The following FBXW11 variants were observed in gnomAD, a reference collection of about 807,000 sequenced individuals.
FBXW11 encodes F-box and WD repeat domain containing 11.
A neutral mutation model predicts 77.6 loss-of-function variants in FBXW11; 19 were observed. The observed-to-expected ratio is 0.24, with a 90% CI of 0.17 to 0.36. The LOEUF (loss-of-function observed/expected upper bound fraction) is 0.36, where lower values mean the gene tolerates loss of function less well. FBXW11 is among the 10% of genes least tolerant of loss of function. The probability of loss-of-function intolerance (pLI) is 1.00; values close to 1 mark genes in which losing one functional copy is unlikely to be tolerated. For synonymous variants in FBXW11, 235 were observed against 249.4 expected (o/e 0.94, Z 0.54); for missense variants, 334 against 704.2 (o/e 0.47, Z 5.95).
intron 1 of FBXW11, among the ~76,000 whole-genome samples, chr5:171,996,248 C>A (rs931936701): frequency 1.9e-4 from 29 of 152,200 alleles, no homozygotes; most frequent in African/African-American, 7.0e-4. Flanking sequence ...TTATATAAAT[C>A]ATGTGAGAAT....
chr5:171,894,632 C>T (rs1581163655), intron 6 of FBXW11, among the ~76,000 whole-genome samples: 1 of 151,572 alleles, frequency 6.6e-6, no homozygotes, highest in East Asian at 1.9e-4. Context: ...GCCTAAAAAA[C>T]TGCCCCCATG....
intron 2 of FBXW11, among the ~76,000 whole-genome samples, chr5:171,920,124 C>A (rs1242785466): frequency 6.6e-6 from 1 of 152,080 alleles, no homozygotes; most frequent in Non-Finnish European, 1.5e-5. Context: ...GATCGCACCA[C>A]TGCACTCCAG....
At chr5:172,002,282 T>C (rs941356198) in intron 1 of FBXW11, among the ~76,000 whole-genome samples, 4 of 152,188 alleles carry the variant, frequency 2.6e-5, no homozygotes, top group Admixed American at 6.5e-5. Context: ...CCAAGACTTG[T>C]GTGCAGGAAC....
At chr5:171,992,256 C>G (rs946603425) in intron 1 of FBXW11, among the ~76,000 whole-genome samples, 1 of 151,484 alleles carries the variant, frequency 6.6e-6, no homozygotes, top group Non-Finnish European at 1.5e-5. Flanking sequence ...AGTGAAACCC[C>G]GTCTCTACTA....
rs1161644281 is a variant in FBXW11 at position 171,913,818 on chromosome 5, TACACACACACACACACACACACAC to T, written c.210+501_210+524del. Among the ~76,000 whole-genome samples, 97 of 65,384 alleles carry T rather than the reference TACACACACACACACACACACACAC, an allele frequency of 1.5e-3. 1 individual carries two copies. The East Asian group carries it at 0.029, about 20-fold the overall frequency. 42.9% of individuals were successfully genotyped at this position (65,384 alleles called of 152,430 possible). A position where few individuals can be genotyped will look rare whatever the true frequency, so the allele number is the denominator to read the frequency against. Reference sequence around the variant, plus strand: ...CCCCAAACCCCCAACCACACACACATACACACACACACACACACACACACACACACACACACACACACACACACA... The same window carrying T: ...CCCCAAACCCCCAACCACACACACATACACACACACACACACACACACACA... On this transcript the variant is annotated intron_variant, in intron 3 of 13. Coordinates refer to ENST00000517395, the MANE Select transcript of FBXW11 (RefSeq NM_001378974.1).
chr5:171,917,800 A>T (rs1399288458), intron 2 of FBXW11, among the ~76,000 whole-genome samples: 7 of 83,498 alleles, frequency 8.4e-5, no homozygotes, highest in Admixed American at 8.1e-4. Flanking sequence ...GTGTGTGTGT[A>T]AATATATATA....
intron 1 of FBXW11, among the ~76,000 whole-genome samples, chr5:171,970,346 TGTAAGACATGC>T (rs1764455104): frequency 6.6e-6 from 1 of 152,204 alleles, no homozygotes; most frequent in African/African-American, 2.4e-5. Context: ...CCTGCCACCA[TGTAAGACATGC>T]CTGCTTCCCC....
chr5:171,914,696 G>A (rs781571725), intron 2 of FBXW11, among the ~76,000 whole-genome samples: 4 of 152,148 alleles, frequency 2.6e-5, no homozygotes, highest in Admixed American at 6.5e-5. Context: ...CTCAACCTCC[G>A]TCATCACTGT....
At chr5:171,940,665 G>A (rs1319700990) in intron 2 of FBXW11, among the ~76,000 whole-genome samples, 3 of 152,148 alleles carry the variant, frequency 2.0e-5, no homozygotes, top group East Asian at 1.9e-4. Context: ...CAAGGCAGGC[G>A]AATCAAGAGG....
At position 171,910,797 on chromosome 5, in the gene FBXW11, T is replaced by C. The variant is rs1433616249; in HGVS notation, c.211A>G (p.Ile71Val). Residue 71 changes from isoleucine to valine, a missense_variant and splice_region_variant, in exon 4 of 14, where the codon ATA becomes GTA. By Grantham distance (29) the Ile-to-Val change is conservative (BLOSUM62 3). Coordinates refer to ENST00000517395, the MANE Select transcript of FBXW11 (RefSeq NM_001378974.1). The part of the protein sequence containing the change: ...ESPKKNTLWQ[I>V]SNGTSSVIVS... ...ATCACAGATGATGTTCCATTACTTATCTATTTTAGAAAAACAAAAAAAAAA... is the reference window on the plus strand; with the variant it reads ...ATCACAGATGATGTTCCATTACTTACCTATTTTAGAAAAACAAAAAAAAAA... The C allele has an allele frequency of 2.6e-6, 4 of 1,548,360 alleles. No homozygotes were observed. The highest frequency in any genetic ancestry group is 1.4e-5 in the African/African-American group (1 of 71,414).
chr5:172,006,578 C>G lies in FBXW11; in HGVS notation c.-76G>C, dbSNP rs765866162. On this transcript the variant is annotated 5_prime_UTR_variant, in exon 1 of 14. Transcript: ENST00000517395. Reference sequence around the variant, plus strand: ...CGGGCGGAGGAGGCGACGGCGGAGGCGGCAGAGGCGGAGGCGGCTATCGCA... The same window carrying G: ...CGGGCGGAGGAGGCGACGGCGGAGGGGGCAGAGGCGGAGGCGGCTATCGCA... The G allele has an allele frequency of 1.3e-4, 181 of 1,418,888 alleles. No individual in the cohort carries two copies. Among genetic ancestry groups the G allele is most frequent in the Non-Finnish European group, 1.6e-4 (173 of 1,084,102 alleles). The allele number at this position is 1,418,888 out of a possible 1,614,324, so 87.9% of individuals were successfully genotyped here. A position where few individuals can be genotyped will look rare whatever the true frequency, so the allele number is the denominator to read the frequency against.
At chr5:171,867,892 T>G (rs1757512854) in intron 13 of FBXW11, 1 of 152,234 alleles carries the variant, frequency 6.6e-6, no homozygotes, top group Non-Finnish European at 1.5e-5. Flanking sequence ...TAGAATTCAC[T>G]GGCCCTCAGC....
At chr5:171,986,878 G>A (rs1018835391) in intron 1 of FBXW11, among the ~76,000 whole-genome samples, 3 of 152,174 alleles carry the variant, frequency 2.0e-5, no homozygotes, top group Non-Finnish European at 4.4e-5. Flanking sequence ...GACCTATTAA[G>A]AACTGGGCCT....
At chr5:171,909,275 C>T (rs1223754423) in intron 4 of FBXW11, among the ~76,000 whole-genome samples, 2 of 152,050 alleles carry the variant, frequency 1.3e-5, no homozygotes, top group Admixed American at 6.5e-5. Flanking sequence ...CAGCAAGATG[C>T]CACCTCGTTG....
At chr5:171,928,797 G>T (rs1226734873) in intron 2 of FBXW11, among the ~76,000 whole-genome samples, 3 of 152,346 alleles carry the variant, frequency 2.0e-5, no homozygotes, top group Middle Eastern at 3.4e-3. Flanking sequence ...TTTGAGCCGG[G>T]CACAGTGGCT....
At chr5:172,005,588 C>T (rs989787938) in intron 1 of FBXW11, among the ~76,000 whole-genome samples, 1 of 152,124 alleles carries the variant, frequency 6.6e-6, no homozygotes, top group African/African-American at 2.4e-5. Context: ...GGGAGTCTGG[C>T]CTGGCTGCCA....
intron 1 of FBXW11, among the ~76,000 whole-genome samples, chr5:171,969,715 T>C (rs1326456287): frequency 6.6e-6 from 1 of 152,146 alleles, no homozygotes; most frequent in South Asian, 2.1e-4. Flanking sequence ...TTTGTTTTTG[T>C]TTTTCAGACA....
chr5:171,966,742 G>T (rs2113384254), intron 1 of FBXW11, among the ~76,000 whole-genome samples: 1 of 152,308 alleles, frequency 6.6e-6, no homozygotes, highest in Non-Finnish European at 1.5e-5. Flanking sequence ...TAGGAAAGTT[G>T]TTCAGGACTA....
chr5:171,973,046 A>G lies in FBXW11; in HGVS notation c.46-15348T>C, dbSNP rs1764621838. On this transcript the variant is annotated intron_variant, in intron 1 of 13. Transcript: ENST00000517395. ...TTCAAGGACCACTTACTTGGAAAGA[A>G]TACAGAATATCACAAAAGAGAGAGT... Among the ~76,000 whole-genome samples the G allele has an allele frequency of 2.0e-5, 3 of 152,242 alleles. No homozygotes were observed. In the South Asian group the frequency reaches 6.2e-4, roughly 32 times the overall value.
Sources: gnomAD v4.1 joint callset for allele counts (sites outside exome capture counted in the v4.1 genomes callset) on GRCh38, gnomAD v4.1.1 for gene constraint, MANE v1.5 for transcripts, NCBI Gene and HGNC (gene_info 2026-07-23, HGNC 2026-07-21) for gene names.